Variants in THSD7A observed in about 807,000 individuals in gnomAD.
THSD7A encodes thrombospondin type 1 domain containing 7A, also known as thrombospondin type-1 domain-containing protein 7A.
A neutral mutation model predicts 231.3 loss-of-function variants in THSD7A; 96 were observed. The ratio of observed to expected loss-of-function variants is 0.41; its 90% confidence interval spans 0.35 to 0.49. The LOEUF (loss-of-function observed/expected upper bound fraction) is 0.49, where lower values mean the gene tolerates loss of function less well. Among genes scored for constraint, THSD7A ranks in the 20% least tolerant of loss-of-function variants. The probability of loss-of-function intolerance (pLI) is 0.05; values close to 1 mark genes in which losing one functional copy is unlikely to be tolerated. For missense variants in THSD7A, 2,290 were observed against 2,070.2 expected (o/e 1.11, Z -2.06); for synonymous variants, 940 against 743.3 (o/e 1.26, Z -4.30).
At chr7:11,808,338 T>A (rs936391952) in intron 1 of THSD7A, among the ~76,000 whole-genome samples, 6 of 152,146 alleles carry the variant, frequency 3.9e-5, no homozygotes, top group Non-Finnish European at 5.9e-5. Flanking sequence ...CTCTTTCTTG[T>A]CCTTTCACCT....
intron 11 of THSD7A, among the ~76,000 whole-genome samples, chr7:11,460,014 T>C (rs1371681467): frequency 6.6e-6 from 1 of 152,130 alleles, no homozygotes; most frequent in Admixed American, 6.6e-5. Flanking sequence ...AAACAACATA[T>C]TCCAAATCTT....
intron 1 of THSD7A, among the ~76,000 whole-genome samples, chr7:11,752,036 C>T (rs1179830290): frequency 6.6e-6 from 1 of 152,072 alleles, no homozygotes; most frequent in African/African-American, 2.4e-5. Flanking sequence ...GAGTGTTGCC[C>T]CAAGATCTGT....
Position 11,634,783 on chromosome 7 carries a change from T to G in THSD7A, c.1022+1347A>C, listed in dbSNP as rs895669524. On this transcript the variant is annotated intron_variant, in intron 2 of 27. Transcript: ENST00000423059. The surrounding 1 kb of genome is among the most constrained non-coding windows in gnomAD (Gnocchi z 4.1). ...AAAGAGGGGAGAGAGTAGCAAAAAT[T>G]CCAAAAAACAGTAACCAGAACTCTA... Among the ~76,000 whole-genome samples, 2 of 152,044 alleles carry G rather than the reference T, an allele frequency of 1.3e-5. No individual in the cohort carries two copies. The highest frequency in any genetic ancestry group is 4.8e-5 in the African/African-American group (2 of 41,414).
chr7:11,643,716 C>T (rs1274003767), intron 1 of THSD7A, among the ~76,000 whole-genome samples: 8 of 151,856 alleles, frequency 5.3e-5, no homozygotes, highest in South Asian at 2.1e-4. Flanking sequence ...TTTGTTCTAT[C>T]GATTCACCAT....
At chr7:11,820,056 A>G (rs1784822614) in intron 1 of THSD7A, among the ~76,000 whole-genome samples, 1 of 152,102 alleles carries the variant, frequency 6.6e-6, no homozygotes, top group Admixed American at 6.5e-5. Flanking sequence ...CACCAGTAAC[A>G]GATGAGAAAA....
intron 6 of THSD7A, among the ~76,000 whole-genome samples, chr7:11,539,194 G>A (rs1388294004): frequency 6.6e-6 from 1 of 152,040 alleles, no homozygotes; most frequent in Admixed American, 6.6e-5. Flanking sequence ...TGATAATATG[G>A]GAGCAGTAGT....
At chr7:11,583,712 G>C (rs963463767) in intron 4 of THSD7A, among the ~76,000 whole-genome samples, 3 of 152,026 alleles carry the variant, frequency 2.0e-5, no homozygotes, top group African/African-American at 4.8e-5. Flanking sequence ...AGTTTACAGG[G>C]GTAAATCCTG....
intron 1 of THSD7A, among the ~76,000 whole-genome samples, chr7:11,652,345 GAA>G (rs1209227720): frequency 6.6e-6 from 1 of 151,892 alleles, no homozygotes; most frequent in Non-Finnish European, 1.5e-5. Flanking sequence ...TTTGGTTTTT[GAA>G]AAGACTACTG....
rs545491786 is a variant in THSD7A at position 11,514,411 on chromosome 7, T to A, written c.1822+27008A>T. ...ATAAATGAGTATTTTGTATATAAAGTTCCAAAACAAGTAAACATGATATGT... is the reference window on the plus strand; with the variant it reads ...ATAAATGAGTATTTTGTATATAAAGATCCAAAACAAGTAAACATGATATGT... On this transcript the variant is annotated intron_variant, in intron 6 of 27. Coordinates refer to ENST00000423059, the MANE Select transcript of THSD7A (RefSeq NM_015204.3). 9.2e-5 allele frequency among the ~76,000 whole-genome samples: 14 copies of A among 152,234 alleles called. 1 individual carries two copies. Among genetic ancestry groups the A allele is most frequent in the Admixed American group, 7.2e-4 (11 of 15,284 alleles).
At chr7:11,526,899 A>C (rs924919693) in intron 6 of THSD7A, among the ~76,000 whole-genome samples, 5 of 152,188 alleles carry the variant, frequency 3.3e-5, no homozygotes, top group Admixed American at 2.0e-4. Context: ...AATTAAAAAA[A>C]ATGAAATTTC....
intron 9 of THSD7A, among the ~76,000 whole-genome samples, chr7:11,465,007 G>T (rs1169823032): frequency 6.6e-6 from 1 of 152,126 alleles, no homozygotes; most frequent in African/African-American, 2.4e-5. Flanking sequence ...TTAATAACTT[G>T]AGCTGGCAAA....
rs765984693 is a variant in THSD7A, at chr7:11,636,517, C to T, written c.635G>A (p.Ser212Asn). The T allele has an allele frequency of 5.0e-6, 8 of 1,613,828 alleles. No homozygotes were observed. Among genetic ancestry groups the T allele is most frequent in the Non-Finnish European group, 6.8e-6 (8 of 1,179,892 alleles). ...ATGACGCGTCCGGTGCTGGAGCCCG[C>T]TGCCGCAGGTCTTGGAGCATTCGGA... ...AWSECSKTCG[S>N]GLQHRTRHVV... Residue 212 changes from serine to asparagine, a missense_variant, in exon 2 of 28, where the codon AGC (serine) becomes AAC (asparagine). Coordinates refer to ENST00000423059, the MANE Select transcript of THSD7A (RefSeq NM_015204.3). This position sits in a 1 kb window ranked among gnomAD's most constrained non-coding sequence, Gnocchi z 10.0.
intron 6 of THSD7A, among the ~76,000 whole-genome samples, chr7:11,515,190 T>A (rs917649700): frequency 1.1e-4 from 16 of 152,304 alleles, no homozygotes; most frequent in South Asian, 6.2e-4. Flanking sequence ...TTAGTTCCTG[T>A]TCAAACAATA....
intron 1 of THSD7A, among the ~76,000 whole-genome samples, chr7:11,795,000 A>G (rs920466827): frequency 2.0e-5 from 3 of 152,032 alleles, no homozygotes; most frequent in African/African-American, 7.2e-5. Context: ...GTCCTCTAGA[A>G]CAATTTGAAG....
intron 1 of THSD7A, among the ~76,000 whole-genome samples, chr7:11,659,962 C>G (rs1430676240): frequency 6.6e-6 from 1 of 151,376 alleles, no homozygotes. Context: ...GACCTCAGAC[C>G]TAATGATTAA....
intron 1 of THSD7A, among the ~76,000 whole-genome samples, chr7:11,666,335 C>T (rs1783130048): frequency 6.6e-6 from 1 of 151,856 alleles, no homozygotes; most frequent in South Asian, 2.1e-4. Context: ...TAATTTTAAA[C>T]AACATTTTGA....
chr7:11,702,578 G>A (rs10257747), intron 1 of THSD7A, among the ~76,000 whole-genome samples: 97,075 of 150,918 alleles, frequency 0.64, 31,421 homozygotes, highest in Non-Finnish European at 0.67. Context: ...TAATCTTAAG[G>A]TCTTAGGTCA....
At chr7:11,482,223 C>CA (rs1183946699) in intron 6 of THSD7A, among the ~76,000 whole-genome samples, 2 of 152,182 alleles carry the variant, frequency 1.3e-5, no homozygotes, top group African/African-American at 4.8e-5. Context: ...CAGGGTATAT[C>CA]AAGCACATTG....
intron 1 of THSD7A, among the ~76,000 whole-genome samples, chr7:11,680,831 C>T (rs754713134): frequency 1.6e-4 from 24 of 152,194 alleles, no homozygotes; most frequent in South Asian, 4.2e-4. Context: ...TACCATTTGA[C>T]CCAGCAATCC....
Sources: gnomAD v4.1 joint callset for allele counts (sites outside exome capture counted in the v4.1 genomes callset) on GRCh38, gnomAD v4.1.1 for gene constraint, Gnocchi (gnomAD v3.1) non-coding constraint, MANE v1.5 for transcripts, NCBI Gene and HGNC (gene_info 2026-07-23, HGNC 2026-07-21) for gene names.